Variants in NRG1 observed in about 807,000 individuals in gnomAD.
NRG1 encodes the protein pro-neuregulin-1, membrane-bound isoform.
NRG1 carries 18 observed loss-of-function variants against 63.8 expected under a neutral mutation model. That is an observed-to-expected ratio of 0.28 (90% CI 0.19 to 0.42). The LOEUF (loss-of-function observed/expected upper bound fraction) is 0.42. NRG1 is among the 10% of genes least tolerant of loss of function. The pLI, the probability that NRG1 is intolerant of heterozygous loss-of-function variation, is 1.00. For synonymous variants in NRG1, 302 were observed against 301.3 expected, an observed-to-expected ratio of 1.00 and a Z score of -0.02; for missense variants, 762 against 814.7, an observed-to-expected ratio of 0.94 and a Z score of 0.79.
intron 1 of NRG1, among the ~76,000 whole-genome samples, chr8:31,656,907 T>A (rs1048780810): frequency 6.6e-6 from 1 of 152,210 alleles, no homozygotes; most frequent in Non-Finnish European, 1.5e-5. Context: ...GAAAAATATT[T>A]GAGTCAAAAG....
chr8:32,618,525 A>G (rs552014787), intron 5 of NRG1, among the ~76,000 whole-genome samples: 1 of 152,316 alleles, frequency 6.6e-6, no homozygotes, highest in East Asian at 1.9e-4. Context: ...CCTAATTCTC[A>G]GTAGAATTAG....
intron 7 of NRG1, among the ~76,000 whole-genome samples, chr8:32,743,547 A>G (rs906118791): frequency 1.4e-5 from 2 of 139,788 alleles, no homozygotes; most frequent in African/African-American, 5.2e-5. Flanking sequence ...GTGTATATAC[A>G]TATATATATA....
At chr8:32,692,218 A>G (rs1438211008) in intron 5 of NRG1, among the ~76,000 whole-genome samples, 2 of 152,222 alleles carry the variant, frequency 1.3e-5, no homozygotes, top group Non-Finnish European at 2.9e-5. Context: ...AATTTAGCAC[A>G]GTTGGCCTCT....
intron 1 of NRG1, among the ~76,000 whole-genome samples, chr8:31,711,575 G>C (rs1228107285): frequency 6.6e-6 from 1 of 152,118 alleles, no homozygotes; most frequent in Non-Finnish European, 1.5e-5. Context: ...AATATGTATA[G>C]TATTATTTTA....
intron 1 of NRG1, among the ~76,000 whole-genome samples, chr8:32,288,218 T>C (rs2129473807): frequency 6.6e-6 from 1 of 152,276 alleles, no homozygotes; most frequent in East Asian, 1.9e-4. Flanking sequence ...AGAAAATCAT[T>C]ACTACTATCA....
intron 1 of NRG1, among the ~76,000 whole-genome samples, chr8:31,708,154 A>G (rs1811337984): frequency 1.3e-5 from 2 of 152,190 alleles, no homozygotes; most frequent in African/African-American, 4.8e-5. Flanking sequence ...GCTTGTATTT[A>G]AGCCTTACTT....
intron 1 of NRG1, among the ~76,000 whole-genome samples, chr8:32,174,228 T>A (rs761221604): frequency 6.6e-6 from 1 of 152,000 alleles, no homozygotes; most frequent in East Asian, 1.9e-4. Flanking sequence ...AACAACCTGC[T>A]CCTGAATGAC....
intron 1 of NRG1, among the ~76,000 whole-genome samples, chr8:31,891,512 G>T (rs1831143547): frequency 6.6e-6 from 1 of 152,176 alleles, no homozygotes; most frequent in African/African-American, 2.4e-5. Context: ...AAGATGCGGA[G>T]AAACTGGATT....
chr8:31,662,199 A>G (rs1005367590), intron 1 of NRG1, among the ~76,000 whole-genome samples: 1 of 152,216 alleles, frequency 6.6e-6, no homozygotes, highest in African/African-American at 2.4e-5. Flanking sequence ...ATTTGTGGGC[A>G]TGGAGGAGGT....
intron 1 of NRG1, among the ~76,000 whole-genome samples, chr8:32,421,936 G>A (rs1410985806): frequency 1.3e-5 from 2 of 152,174 alleles, no homozygotes; most frequent in Admixed American, 1.3e-4. Context: ...GCTAAATAAT[G>A]TGTACAGACA....
Position 32,170,495 on chromosome 8 carries a change from A to G in NRG1, c.38-425333A>G, listed in dbSNP as rs1161772350. On this transcript the variant is annotated intron_variant, in intron 1 of 10. Transcript: ENST00000519301. ...CCTCTGGTTGTGCAGATGAAGAGTC[A>G]TTAGGCTGACCTCATCTATGGACCC... is the stretch of plus-strand genomic sequence containing the variant. Among the ~76,000 whole-genome samples the G allele has an allele frequency of 2.0e-5, 3 of 152,300 alleles. No individual in the cohort carries two copies. The East Asian group carries it at 5.8e-4, about 29-fold the overall frequency.
chr8:32,534,635 T>A (rs1414996303), intron 1 of NRG1, among the ~76,000 whole-genome samples: 1 of 152,122 alleles, frequency 6.6e-6, no homozygotes, highest in African/African-American at 2.4e-5. Flanking sequence ...ATTGGCTATT[T>A]ATGGCTTTTA....
At chr8:32,021,479 A>C (rs78663956) in intron 1 of NRG1, among the ~76,000 whole-genome samples, 3,309 of 152,302 alleles carry the variant, frequency 0.022, 83 homozygotes, top group African/African-American at 0.063. Context: ...CAGAAGAACA[A>C]CACCAAGCCA....
At chr8:32,370,857 CAAAAAAAAAAAAA>C (rs570354347) in intron 1 of NRG1, among the ~76,000 whole-genome samples, 11 of 52,034 alleles carry the variant, frequency 2.1e-4, no homozygotes, top group African/African-American at 5.2e-4. Flanking sequence ...GACTCTGTCT[CAAAAAAAAAAAAA>C]AAAAAAAAAA....
chr8:32,230,094 A>G (rs1846761794), intron 1 of NRG1, among the ~76,000 whole-genome samples: 1 of 152,142 alleles, frequency 6.6e-6, no homozygotes, highest in Admixed American at 6.6e-5. Flanking sequence ...AGGAAATTCT[A>G]CCTGGCTTCA....
chr8:32,120,284 A>C (rs1203715778), intron 1 of NRG1, among the ~76,000 whole-genome samples: 3 of 152,106 alleles, frequency 2.0e-5, no homozygotes, highest in Non-Finnish European at 2.9e-5. Flanking sequence ...TAAAAAAATA[A>C]TACTAGTAAA....
At chr8:32,226,790 T>G (rs1422201984) in intron 1 of NRG1, among the ~76,000 whole-genome samples, 1 of 152,196 alleles carries the variant, frequency 6.6e-6, no homozygotes, top group Non-Finnish European at 1.5e-5. Flanking sequence ...CTGCACTGTA[T>G]GGGAAATACA....
chr8:32,504,011 G>A (rs1262951590), intron 1 of NRG1, among the ~76,000 whole-genome samples: 2 of 152,140 alleles, frequency 1.3e-5, no homozygotes, highest in Non-Finnish European at 2.9e-5. Flanking sequence ...TTTACTGGAC[G>A]TGTACGCATG....
chr8:32,674,023 C>T (rs920435351), intron 5 of NRG1, among the ~76,000 whole-genome samples: 2 of 152,140 alleles, frequency 1.3e-5, no homozygotes, highest in Non-Finnish European at 2.9e-5. Context: ...ATGTCTGACT[C>T]CAGCTTTATC....
Sources: gnomAD v4.1 joint callset for allele counts (sites outside exome capture counted in the v4.1 genomes callset) on GRCh38, gnomAD v4.1.1 for gene constraint, MANE v1.5 for transcripts, NCBI Gene and HGNC (gene_info 2026-07-23, HGNC 2026-07-21) for gene names.